The following COL4A1 variants were observed in gnomAD, a reference collection of about 807,000 sequenced individuals.
COL4A1 encodes collagen alpha-1(IV) chain.
In COL4A1, 40 loss-of-function variants were observed where a neutral mutation model predicts 216.6. That is an observed-to-expected ratio of 0.18 (90% CI 0.14 to 0.24). COL4A1 has a LOEUF of 0.24. Ranked by LOEUF, COL4A1 falls within the 10% of genes least tolerant of loss-of-function variation. The pLI is 1.00. For synonymous variants in COL4A1, 839 were observed against 810.7 expected (o/e 1.03, Z -0.59); for missense variants, 1,628 against 2,196.8 (o/e 0.74, Z 5.18).
chr13:110,201,912 G>A (rs1309662698), intron 18 of COL4A1, among the ~76,000 whole-genome samples: 1 of 152,234 alleles, frequency 6.6e-6, no homozygotes, highest in East Asian at 1.9e-4. Context: ...AACCCAGGAG[G>A]TGGAGGTTGC....
intron 1 of COL4A1, among the ~76,000 whole-genome samples, chr13:110,245,813 G>T (rs1034081660): frequency 2.0e-5 from 3 of 152,154 alleles, no homozygotes; most frequent in Non-Finnish European, 2.9e-5. Flanking sequence ...CCCAGCCGGT[G>T]CCGGTGACAG....
intron 1 of COL4A1, among the ~76,000 whole-genome samples, chr13:110,306,555 G>A (rs1884718651): frequency 6.6e-6 from 1 of 152,008 alleles, no homozygotes; most frequent in South Asian, 2.1e-4. Context: ...CGCGGGGTGG[G>A]CGCTCCCGGC....
intron 19 of COL4A1, 97 bp from the exon 20 acceptor site, chr13:110,200,986 T>TA (rs1458969386): frequency 7.5e-7 from 1 of 1,341,560 alleles, no homozygotes; most frequent in Non-Finnish European, 1.1e-6. Flanking sequence ...GGTGCATTGG[T>TA]AAGTGTCCAT....
chr13:110,304,747 C>A (rs1884620170), intron 1 of COL4A1, among the ~76,000 whole-genome samples: 1 of 152,162 alleles, frequency 6.6e-6, no homozygotes, highest in African/African-American at 2.4e-5. Context: ...ATTAAACAGC[C>A]TTTCATGAAG....
In COL4A1 at chr13:110,199,168, G is replaced by A. The variant is rs1982313; in HGVS notation, c.1121-537C>T. Among the ~76,000 whole-genome samples, 1,117 of 152,332 alleles carry A rather than the reference G, an allele frequency of 7.3e-3. 57 individuals are homozygous for A. Among genetic ancestry groups the A allele is most frequent in the Admixed American group, 0.064 (987 of 15,304 alleles). On this transcript the variant is annotated intron_variant, in intron 20 of 51. Transcript: ENST00000375820. ...TAACTCTGTAAGGGTAAGACCATGT[G>A]CCCCTGGGAGAGCTGAGGCCGGACG...
intron 24 of COL4A1, among the ~76,000 whole-genome samples, chr13:110,189,127 C>T (rs2139175833): frequency 6.6e-6 from 1 of 152,304 alleles, no homozygotes; most frequent in South Asian, 2.1e-4. Flanking sequence ...GCAATGGCGC[C>T]ATCTCGGCTC....
intron 24 of COL4A1, among the ~76,000 whole-genome samples, chr13:110,188,071 A>C (rs79757635): frequency 0.13 from 19,390 of 152,236 alleles, 1,413 homozygotes; most frequent in Middle Eastern, 0.19. Flanking sequence ...TAAAACTGCA[A>C]AGAACACCCA....
At position 110,167,220 on chromosome 13, in the gene COL4A1, C is replaced by T; in HGVS notation, c.3887G>A (p.Gly1296Asp). The part of the protein sequence containing the change: ...PGFQGMPGIG[G>D]SPGITGSKGD... ...CTTAGAGCCTGTGATTCCTGGAGAG[C>T]CACCAATACCCTAGACACGCAAAGA... The change falls in exon 44 of 52, where the codon GGC becomes GAC. Residue 1296 changes from glycine (G) to aspartate (D), a missense_variant. Gly to Asp is a moderately conservative substitution (Grantham distance 94). This residue lies in a region of COL4A1 where 345 missense variants were observed against 476.9 expected (regional missense o/e 0.72). Transcript: ENST00000375820. 6.2e-7 allele frequency: 1 copy of T among 1,613,538 alleles called. No homozygotes were observed. The highest frequency in any genetic ancestry group is 8.5e-7 in the Non-Finnish European group (1 of 1,179,520).
At chr13:110,160,161 G>GCAGGGAT (rs1456151966) in intron 49 of COL4A1, among the ~76,000 whole-genome samples, 1 of 149,478 alleles carries the variant, frequency 6.7e-6, no homozygotes. Context: ...ATTCATAGGG[G>GCAGGGAT]GCCGGGCGCG....
chr13:110,228,585 GAT>G (rs550520600), intron 2 of COL4A1, among the ~76,000 whole-genome samples: 2 of 152,142 alleles, frequency 1.3e-5, no homozygotes, highest in South Asian at 2.1e-4. Context: ...TAGGATTAAC[GAT>G]ATAACTTCCT....
At chr13:110,159,074 C>T (rs1876939207) in intron 49 of COL4A1, among the ~76,000 whole-genome samples, 1 of 152,114 alleles carries the variant, frequency 6.6e-6, no homozygotes, top group Non-Finnish European at 1.5e-5. Flanking sequence ...AGGAAAGAGG[C>T]AAAGAGAGGA....
chr13:110,212,891 G>A (rs1007329320), intron 4 of COL4A1, among the ~76,000 whole-genome samples: 11 of 152,138 alleles, frequency 7.2e-5, no homozygotes, highest in Non-Finnish European at 1.3e-4. Flanking sequence ...CCAACGAGTG[G>A]ATAGAGAAAA....
At chr13:110,273,031 G>A (rs1398677885) in intron 1 of COL4A1, among the ~76,000 whole-genome samples, 1 of 152,196 alleles carries the variant, frequency 6.6e-6, no homozygotes, top group Non-Finnish European at 1.5e-5. Flanking sequence ...GTGCACATGT[G>A]TGGTAAAATT....
intron 1 of COL4A1, among the ~76,000 whole-genome samples, chr13:110,263,039 G>A (rs1425837466): frequency 1.3e-5 from 2 of 152,140 alleles, no homozygotes; most frequent in African/African-American, 4.8e-5. Context: ...TCCAGAGCAG[G>A]CAGGTAGGTC....
At chr13:110,152,218 T>G in intron 51 of COL4A1, 116 bp downstream of exon 51, 1 of 1,499,104 alleles carries the variant, frequency 6.7e-7, no homozygotes, top group Non-Finnish European at 9.0e-7. Context: ...GCATCAAATA[T>G]TCATTGCTAA....
chr13:110,186,627 CATTTGTGGTCA>C, intron 25 of COL4A1, 74 bp from the exon 26 acceptor site: 1 of 1,565,110 alleles, frequency 6.4e-7, no homozygotes, highest in South Asian at 1.2e-5. Flanking sequence ...ATTCTTCTGA[CATTTGTGGTCA>C]ATAAGTACTA....
chr13:110,302,303 C>A (rs749997982), intron 1 of COL4A1, among the ~76,000 whole-genome samples: 45 of 152,184 alleles, frequency 3.0e-4, no homozygotes, highest in Non-Finnish European at 6.0e-4. Flanking sequence ...CAGTCCTGAA[C>A]ATATTTGCTC....
intron 2 of COL4A1, among the ~76,000 whole-genome samples, chr13:110,232,467 C>T (rs911182644): frequency 7.9e-5 from 12 of 152,238 alleles, no homozygotes; most frequent in Non-Finnish European, 1.0e-4. Flanking sequence ...AATATTCTAC[C>T]AACAAACAGG....
At chr13:110,227,377 G>T (rs1880780688) in intron 2 of COL4A1, among the ~76,000 whole-genome samples, 1 of 144,892 alleles carries the variant, frequency 6.9e-6, no homozygotes, top group African/African-American at 2.6e-5. Flanking sequence ...GACCAAGTAT[G>T]GGTACGGTAG....
Sources: allele counts gnomAD v4.1 joint callset (sites outside exome capture counted in the v4.1 genomes callset), GRCh38; gene constraint gnomAD v4.1.1; regional missense constraint gnomAD v4.1.1; transcripts MANE v1.5; gene names NCBI Gene and HGNC (gene_info 2026-07-23, HGNC 2026-07-21).